The following ELMO2 variants were observed in gnomAD, a reference collection of about 807,000 sequenced individuals.
ELMO2 encodes the protein engulfment and cell motility 2, also known as engulfment and cell motility protein 2.
A neutral mutation model predicts 96.2 loss-of-function variants in ELMO2; 37 were observed. The ratio of observed to expected loss-of-function variants is 0.38; its 90% confidence interval spans 0.30 to 0.51. The LOEUF (loss-of-function observed/expected upper bound fraction) is 0.51, where lower values mean the gene tolerates loss of function less well. Among genes scored for constraint, ELMO2 ranks in the 20% least tolerant of loss-of-function variants. The probability of loss-of-function intolerance (pLI) is 0.88; values close to 1 mark genes in which losing one functional copy is unlikely to be tolerated. For synonymous variants in ELMO2, 315 were observed against 329.4 expected, an observed-to-expected ratio of 0.96 and a Z score of 0.47; for missense variants, 561 against 912.6, an observed-to-expected ratio of 0.61 and a Z score of 4.96.
intron 10 of ELMO2, among the ~76,000 whole-genome samples, chr20:46,381,955 C>A (rs1328559715): frequency 6.6e-6 from 1 of 152,214 alleles, no homozygotes; most frequent in Non-Finnish European, 1.5e-5. Context: ...GAACTACAGA[C>A]CCATGCAAAG....
chr20:46,390,535 A>G (rs1238292263), intron 6 of ELMO2, among the ~76,000 whole-genome samples: 1 of 152,230 alleles, frequency 6.6e-6, no homozygotes, highest in Non-Finnish European at 1.5e-5. Flanking sequence ...AACTTTTCCT[A>G]GCAGGATGCC....
In ELMO2 at chr20:46,375,456, C is replaced by G; in HGVS notation, c.931-86G>C. On this transcript the variant is annotated intron_variant, in intron 12 of 21. Coordinates refer to ENST00000290246, the MANE Select transcript of ELMO2 (RefSeq NM_133171.5). This position sits in a 1 kb window ranked among gnomAD's most constrained non-coding sequence, Gnocchi z 4.6. ...AACAGTGGGTCAGGCTTTTCTGGGC[C>G]AAACTTTGGCCCCAATCAATCCCTT... The G allele has an allele frequency of 6.4e-7, 1 of 1,555,138 alleles. No homozygotes were observed. Among genetic ancestry groups the G allele is most frequent in the Non-Finnish European group, 8.7e-7 (1 of 1,147,504 alleles).
At chr20:46,393,380 G>T in intron 5 of ELMO2, 149 bp downstream of exon 5, 1 of 982,290 alleles carries the variant, frequency 1.0e-6, no homozygotes, top group Non-Finnish European at 1.6e-6. Context: ...AAGAACAAGG[G>T]CTGGTGTTTC....
chr20:46,369,968 G>A, intron 20 of ELMO2: 1 of 158,744 alleles, frequency 6.3e-6, no homozygotes, highest in Non-Finnish European at 1.3e-5. Context: ...GGGGGTGTGT[G>A]TGTGTGTGTG....
At chr20:46,400,510 G>A (rs2060317878) in intron 1 of ELMO2, among the ~76,000 whole-genome samples, 2 of 152,246 alleles carry the variant, frequency 1.3e-5, no homozygotes, top group Admixed American at 1.3e-4. Context: ...TAGCTCAATT[G>A]CAAACCACCA....
At chr20:46,393,200 A>G (rs2060182980) in intron 5 of ELMO2, 57 bp from the exon 6 acceptor site, 1 of 1,518,488 alleles carries the variant, frequency 6.6e-7, no homozygotes, top group Admixed American at 1.7e-5. Context: ...AAAGTGGTAC[A>G]AGCAAGTTGA....
At chr20:46,380,094 C>T (rs1000455822) in intron 11 of ELMO2, 159 bp downstream of exon 11, 15 of 600,396 alleles carry the variant, frequency 2.5e-5, no homozygotes, top group Admixed American at 2.1e-4. Flanking sequence ...CACAGAGGAT[C>T]GCGGGAAAAA....
At chr20:46,372,979 G>C (rs2297051) in intron 16 of ELMO2, 15,766 of 160,336 alleles carry the variant, frequency 0.098, 1,048 homozygotes, top group East Asian at 0.18. Context: ...AGGACTGAAA[G>C]CACCGAGGGA....
chr20:46,374,244 A>G (rs1277178241), intron 15 of ELMO2, 88 bp downstream of exon 15: 2 of 1,086,980 alleles, frequency 1.8e-6, no homozygotes, highest in East Asian at 2.4e-5. Flanking sequence ...GCCCGACCCC[A>G]CTGACATGTA....
At chr20:46,386,087 C>A (rs748873706) in intron 9 of ELMO2, 37 bp downstream of exon 9, 113 of 1,597,954 alleles carry the variant, frequency 7.1e-5, no homozygotes, top group Non-Finnish European at 9.0e-5. Context: ...AGAGGACAGA[C>A]AAGTGAAGGG....
chr20:46,382,398 T>G (rs1334191747), intron 10 of ELMO2, among the ~76,000 whole-genome samples: 1 of 152,198 alleles, frequency 6.6e-6, no homozygotes, highest in African/African-American at 2.4e-5. Flanking sequence ...CCCTCTAGAA[T>G]CTACCAAGAG....
chr20:46,402,374 G>A (rs1358914347), intron 1 of ELMO2, among the ~76,000 whole-genome samples: 1 of 152,188 alleles, frequency 6.6e-6, no homozygotes, highest in Non-Finnish European at 1.5e-5. Flanking sequence ...ACTACTGACT[G>A]AGGATTATTA....
rs139433770 is a variant in ELMO2, at chr20:46,374,765, C to G, written c.1066-125G>C. The G allele has an allele frequency of 1.1e-3, 824 of 761,816 alleles. 7 individuals are homozygous for G. The African/African-American group carries it at 0.013, about 12-fold the overall frequency. The allele number at this position is 761,816 out of a possible 1,614,324, so 47.2% of individuals were successfully genotyped here. ...CTCAGCACCCACCTCTGTCCTAGCT[C>G]TTTTCACACCCATCACCACCACTGA... On this transcript the variant is annotated intron_variant, in intron 13 of 21. Coordinates refer to ENST00000290246, the MANE Select transcript of ELMO2 (RefSeq NM_133171.5).
At position 46,374,304 on chromosome 20, in the gene ELMO2, TGAA is replaced by T. The variant is rs766531180; in HGVS notation, c.1279+25_1279+27del. The T allele has an allele frequency of 2.1e-4, 329 of 1,567,390 alleles. 5 individuals are homozygous for T. The South Asian group carries it at 3.1e-3, about 15-fold the overall frequency. ...TGAGCTCTTGATGACAAGGAATGGC[TGAA>T]GAAGAGGGAGCTGCAGAGACTTACG... On this transcript the variant is annotated intron_variant, in intron 15 of 21. Transcript: ENST00000290246.
chr20:46,368,844 A>T (rs748694255), intron 21 of ELMO2, 47 bp downstream of exon 21: 2 of 1,600,486 alleles, frequency 1.2e-6, no homozygotes, highest in Admixed American at 1.7e-5. Flanking sequence ...CCAACTGAAG[A>T]GTTACAGAAA....
At position 46,375,991 on chromosome 20, in the gene ELMO2, C is replaced by T. The variant is rs1031162696; in HGVS notation, c.808-201G>A. 6.6e-5 allele frequency among the ~76,000 whole-genome samples: 10 copies of T among 152,224 alleles called. No homozygotes were observed. Among genetic ancestry groups the T allele is most frequent in the Admixed American group, 1.3e-4 (2 of 15,286 alleles). ...GATGACTCACTGCAGGCCTGAAAGGCGCCATCCCTTCCTCTGCATTCCCCT... is the reference window on the plus strand; with the variant it reads ...GATGACTCACTGCAGGCCTGAAAGGTGCCATCCCTTCCTCTGCATTCCCCT... On this transcript the variant is annotated intron_variant, in intron 11 of 21. Transcript: ENST00000290246. This position sits in a 1 kb window ranked among gnomAD's most constrained non-coding sequence, Gnocchi z 4.6.
intron 1 of ELMO2, among the ~76,000 whole-genome samples, chr20:46,402,992 G>A (rs1025483916): frequency 6.6e-6 from 1 of 152,182 alleles, no homozygotes; most frequent in Admixed American, 6.5e-5. Flanking sequence ...TAGCACTAAC[G>A]ATTTTCTTAC....
At chr20:46,388,215 C>T (rs990390686) in intron 7 of ELMO2, among the ~76,000 whole-genome samples, 1 of 152,204 alleles carries the variant, frequency 6.6e-6, no homozygotes, top group African/African-American at 2.4e-5. Context: ...GCCAGTCTAA[C>T]CCTGTACCCT....
chr20:46,392,990 C>G lies in ELMO2; in HGVS notation c.243+103G>C. On this transcript the variant is annotated intron_variant, in intron 6 of 21. Coordinates refer to ENST00000290246, the MANE Select transcript of ELMO2 (RefSeq NM_133171.5). ...TTCCTGATACAAAAAGACTGACTTTCTTATCTCCAGAGTACTTATTTCTAG... is the reference window on the plus strand; with the variant it reads ...TTCCTGATACAAAAAGACTGACTTTGTTATCTCCAGAGTACTTATTTCTAG... 3.8e-6 allele frequency: 4 copies of G among 1,039,464 alleles called. No homozygotes were observed. In the South Asian group the frequency reaches 5.5e-5, roughly 14 times the overall value. The allele number at this position is 1,039,464 out of a possible 1,614,324, so 64.4% of individuals were successfully genotyped here. A position where few individuals can be genotyped will look rare whatever the true frequency, so the allele number is the denominator to read the frequency against.
Sources: gnomAD v4.1 joint callset for allele counts (sites outside exome capture counted in the v4.1 genomes callset) on GRCh38, gnomAD v4.1.1 for gene constraint, Gnocchi (gnomAD v3.1) non-coding constraint, MANE v1.5 for transcripts, NCBI Gene and HGNC (gene_info 2026-07-23, HGNC 2026-07-21) for gene names.